Variants in LRRC3B observed in about 807,000 individuals in gnomAD.
LRRC3B encodes leucine-rich repeat-containing protein 3B.
LRRC3B carries 2 observed loss-of-function variants against 12.8 expected under a neutral mutation model. The ratio of observed to expected loss-of-function variants is 0.16; its 90% CI spans 0.06 to 0.49. LRRC3B has a LOEUF of 0.49. LRRC3B is among the 20% of genes least tolerant of loss of function. The pLI, the probability that LRRC3B is intolerant of heterozygous loss-of-function variation, is 0.96. For missense variants in LRRC3B, 189 were observed against 319.4 expected, an observed-to-expected ratio of 0.59 and a Z score of 3.11; for synonymous variants, 132 against 122.0, an observed-to-expected ratio of 1.08 and a Z score of -0.54.
chr3:26,655,668 G>A lies in LRRC3B; in HGVS notation c.-161+32431G>A, dbSNP rs541778783. Among the ~76,000 whole-genome samples the A allele has an allele frequency of 3.1e-4, 47 of 152,162 alleles. No homozygotes were observed. The East Asian group carries it at 8.7e-3, about 28-fold the overall frequency. ...TGCCCTTTTTATAATACCAAGTGAAGCAGAGCTCATATCTCCAATTCATCA... is the reference window on the plus strand; with the variant it reads ...TGCCCTTTTTATAATACCAAGTGAAACAGAGCTCATATCTCCAATTCATCA... On this transcript the variant is annotated intron_variant, in intron 1 of 1. Coordinates refer to ENST00000396641, the Ensembl canonical transcript of LRRC3B.
chr3:26,663,319 C>A (rs1699533564), intron 1 of LRRC3B, among the ~76,000 whole-genome samples: 1 of 152,036 alleles, frequency 6.6e-6, no homozygotes, highest in Non-Finnish European at 1.5e-5. Flanking sequence ...GTTTTTCATT[C>A]CCCCCACCCC....
At chr3:26,644,178 A>G (rs80102321) in intron 1 of LRRC3B, among the ~76,000 whole-genome samples, 1,534 of 152,348 alleles carry the variant, frequency 0.01, 24 homozygotes, top group African/African-American at 0.036. Flanking sequence ...TTACATAAGT[A>G]TGAACACAGG....
intron 1 of LRRC3B, among the ~76,000 whole-genome samples, chr3:26,659,273 A>G (rs1699443193): frequency 6.6e-6 from 1 of 152,172 alleles, no homozygotes; most frequent in Non-Finnish European, 1.5e-5. Context: ...CAGATTTTGA[A>G]TCAGGGCAGC....
intron 1 of LRRC3B, among the ~76,000 whole-genome samples, chr3:26,670,089 A>C (rs980878542): frequency 2.6e-5 from 4 of 152,090 alleles, no homozygotes; most frequent in Non-Finnish European, 5.9e-5. Context: ...CATGCTAATC[A>C]CTTTTTTTCT....
At chr3:26,703,166 A>G (rs1425325911) in intron 1 of LRRC3B, among the ~76,000 whole-genome samples, 3 of 152,178 alleles carry the variant, frequency 2.0e-5, no homozygotes, top group African/African-American at 7.2e-5. Context: ...TCACAAATAC[A>G]CAGGAATTAG....
chr3:26,672,806 A>T (rs1699775263), intron 1 of LRRC3B, among the ~76,000 whole-genome samples: 1 of 152,192 alleles, frequency 6.6e-6, no homozygotes, highest in African/African-American at 2.4e-5. Flanking sequence ...AGTATATCCA[A>T]GTCTTTATGG....
At chr3:26,680,170 A>T (rs1699942577) in intron 1 of LRRC3B, among the ~76,000 whole-genome samples, 1 of 152,202 alleles carries the variant, frequency 6.6e-6, no homozygotes, top group Non-Finnish European at 1.5e-5. Flanking sequence ...CAGTCCAGGG[A>T]AGGGCAAATA....
chr3:26,691,262 A>C (rs989473587), intron 1 of LRRC3B, among the ~76,000 whole-genome samples: 1 of 151,736 alleles, frequency 6.6e-6, no homozygotes, highest in Admixed American at 6.6e-5. Context: ...TCTGAAATCA[A>C]GGACAAATTA....
Position 26,685,517 on chromosome 3 carries a change from CTCTCTCTATATATATATATATA to C in LRRC3B, c.-160-23994_-160-23973del, listed in dbSNP as rs1290418060. 6.1e-3 allele frequency among the ~76,000 whole-genome samples: 328 copies of C among 53,500 alleles called. 1 individual carries two copies. The highest frequency in any genetic ancestry group is 0.017 in the African/African-American group (207 of 12,436). 35.1% of individuals were successfully genotyped at this position (53,500 alleles called of 152,430 possible). A position where few individuals can be genotyped will look rare whatever the true frequency, so the allele number is the denominator to read the frequency against. ...TCTCTCTCTCTCTCTCTCTCTCTCT[CTCTCTCTATATATATATATATA>C]TATATATATATATATATATTCACAT... On this transcript the variant is annotated intron_variant, in intron 1 of 1. Transcript: ENST00000396641.
intron 1 of LRRC3B, among the ~76,000 whole-genome samples, chr3:26,635,281 T>C (rs892563753): frequency 1.3e-5 from 2 of 152,090 alleles, no homozygotes; most frequent in African/African-American, 4.8e-5. Context: ...TCCTCTGAGG[T>C]GGATTTGAGA....
At chr3:26,673,876 C>A (rs1432331549) in intron 1 of LRRC3B, among the ~76,000 whole-genome samples, 1 of 152,156 alleles carries the variant, frequency 6.6e-6, no homozygotes, top group African/African-American at 2.4e-5. Flanking sequence ...TGAGGTTCTT[C>A]TTGAAATTGG....
chr3:26,689,271 C>T (rs926796377), intron 1 of LRRC3B, among the ~76,000 whole-genome samples: 8 of 152,188 alleles, frequency 5.3e-5, no homozygotes, highest in African/African-American at 1.7e-4. Flanking sequence ...CCCTGACTCT[C>T]ACTCTTTGTA....
At chr3:26,648,880 G>A (rs1575125735) in intron 1 of LRRC3B, among the ~76,000 whole-genome samples, 2 of 152,164 alleles carry the variant, frequency 1.3e-5, no homozygotes, top group East Asian at 3.9e-4. Context: ...TGAGTATACT[G>A]GCTGTCTTAA....
chr3:26,671,348 G>GTATATATATATATATATA (rs1559361621), intron 1 of LRRC3B, among the ~76,000 whole-genome samples: 1 of 66,344 alleles, frequency 1.5e-5, no homozygotes, highest in African/African-American at 6.2e-5. Flanking sequence ...GTATATATGT[G>GTATATATATATATATATA]TGTATATATA....
At chr3:26,664,504 A>G (rs553880650) in intron 1 of LRRC3B, among the ~76,000 whole-genome samples, 3 of 152,214 alleles carry the variant, frequency 2.0e-5, no homozygotes, top group Non-Finnish European at 4.4e-5. Flanking sequence ...CAGACTGTAA[A>G]CAATAAAGTT....
At chr3:26,659,813 A>G (rs946101894) in intron 1 of LRRC3B, among the ~76,000 whole-genome samples, 3 of 152,198 alleles carry the variant, frequency 2.0e-5, no homozygotes, top group Non-Finnish European at 2.9e-5. Flanking sequence ...CTGAGAAATT[A>G]TCCCCTGTAG....
At chr3:26,670,473 TTTC>T (rs1699696753) in intron 1 of LRRC3B, among the ~76,000 whole-genome samples, 1 of 152,206 alleles carries the variant, frequency 6.6e-6, no homozygotes, top group South Asian at 2.1e-4. Flanking sequence ...GGGGAAATTA[TTTC>T]TTCTTTCTGA....
chr3:26,641,056 C>G (rs1292701248), intron 1 of LRRC3B, among the ~76,000 whole-genome samples: 1 of 152,182 alleles, frequency 6.6e-6, no homozygotes, highest in East Asian at 1.9e-4. Context: ...CAAAAAGTCA[C>G]TTAGTAGGGA....
intron 1 of LRRC3B, among the ~76,000 whole-genome samples, chr3:26,652,067 C>T (rs1214067830): frequency 6.6e-6 from 1 of 152,166 alleles, no homozygotes; most frequent in Non-Finnish European, 1.5e-5. Context: ...TGCTTTGCTG[C>T]CCCTACTATA....
Sources: allele counts gnomAD v4.1 joint callset (sites outside exome capture counted in the v4.1 genomes callset), GRCh38; gene constraint gnomAD v4.1.1; transcripts MANE v1.5; gene names NCBI Gene and HGNC (gene_info 2026-07-23, HGNC 2026-07-21).